Variants in ROBO2 observed in about 807,000 individuals in gnomAD.
ROBO2 encodes the protein roundabout homolog 2.
Under a neutral mutation model 160.8 loss-of-function variants are expected in ROBO2, and 53 were observed. The ratio of observed to expected loss-of-function variants is 0.33; its 90% CI spans 0.26 to 0.41. The LOEUF (loss-of-function observed/expected upper bound fraction) is 0.41, where lower values mean the gene tolerates loss of function less well. ROBO2 is among the 10% of genes least tolerant of loss of function. The pLI, the probability that ROBO2 is intolerant of heterozygous loss-of-function variation, is 1.00. For missense variants in ROBO2, 1,577 were observed against 1,722.4 expected, an observed-to-expected ratio of 0.92 and a Z score of 1.49; for synonymous variants, 664 against 611.7, an observed-to-expected ratio of 1.09 and a Z score of -1.26.
intron 2 of ROBO2, among the ~76,000 whole-genome samples, chr3:76,312,605 G>C (rs573410470): frequency 6.6e-6 from 1 of 152,214 alleles, no homozygotes; most frequent in South Asian, 2.1e-4. Context: ...ATATTTCCTA[G>C]TGTTATCAAT....
intron 2 of ROBO2, among the ~76,000 whole-genome samples, chr3:77,384,536 G>C (rs932242534): frequency 1.3e-5 from 2 of 152,126 alleles, no homozygotes; most frequent in Non-Finnish European, 2.9e-5. Context: ...TTGAATGACA[G>C]CCTTCTAGTC....
chr3:77,246,881 G>A (rs2089789704), intron 2 of ROBO2, among the ~76,000 whole-genome samples: 1 of 152,020 alleles, frequency 6.6e-6, no homozygotes, highest in Admixed American at 6.5e-5. Flanking sequence ...TAAATTTCCA[G>A]GCAAGGAAAC....
chr3:76,230,962 A>G (rs1347177882), intron 2 of ROBO2, among the ~76,000 whole-genome samples: 1 of 152,164 alleles, frequency 6.6e-6, no homozygotes, highest in Non-Finnish European at 1.5e-5. Flanking sequence ...TACAGGCCGG[A>G]GAACACCAAA....
chr3:76,407,344 G>T (rs943433209), intron 2 of ROBO2, among the ~76,000 whole-genome samples: 13 of 151,840 alleles, frequency 8.6e-5, no homozygotes, highest in African/African-American at 3.1e-4. Flanking sequence ...TTGTTTAGGT[G>T]TTTGTTTTTA....
At chr3:77,491,371 A>T (rs909699721) in intron 4 of ROBO2, among the ~76,000 whole-genome samples, 2 of 152,206 alleles carry the variant, frequency 1.3e-5, no homozygotes, top group African/African-American at 4.8e-5. Flanking sequence ...AAACCTCTTT[A>T]ACATTGGGTT....
At chr3:76,264,458 C>T (rs1430249422) in intron 2 of ROBO2, among the ~76,000 whole-genome samples, 2 of 151,784 alleles carry the variant, frequency 1.3e-5, no homozygotes, top group East Asian at 3.9e-4. Context: ...GAAAACATAA[C>T]ATGAATCCAT....
At chr3:77,561,850 T>A (rs2093331517) in intron 9 of ROBO2, among the ~76,000 whole-genome samples, 1 of 152,100 alleles carries the variant, frequency 6.6e-6, no homozygotes, top group African/African-American at 2.4e-5. Context: ...ACACTTGTAA[T>A]CCCAGCACTT....
chr3:77,098,472 AG>A, intron 2 of ROBO2, 132 bp downstream of exon 2: 1 of 945,016 alleles, frequency 1.1e-6, no homozygotes, highest in Admixed American at 2.0e-5. Context: ...GGTCTTCTTC[AG>A]AGAAGTCTGG....
At chr3:77,051,007 G>A (rs1182676281) in intron 1 of ROBO2, among the ~76,000 whole-genome samples, 1 of 130,664 alleles carries the variant, frequency 7.7e-6, no homozygotes, top group African/African-American at 2.8e-5. Context: ...GACAGAGGGA[G>A]ACCCTGTCTC....
chr3:76,739,643 A>G (rs930306760), intron 2 of ROBO2, among the ~76,000 whole-genome samples: 4 of 152,072 alleles, frequency 2.6e-5, no homozygotes, highest in African/African-American at 7.2e-5. Flanking sequence ...AAAAAAGTGT[A>G]GTTTGGTTGA....
intron 2 of ROBO2, among the ~76,000 whole-genome samples, chr3:77,218,091 G>A (rs900696335): frequency 2.6e-5 from 4 of 152,122 alleles, no homozygotes; most frequent in Non-Finnish European, 5.9e-5. Context: ...ATGAGTCATA[G>A]TTTAGAGCAT....
chr3:76,419,353 C>A (rs142543511), intron 2 of ROBO2, among the ~76,000 whole-genome samples: 1 of 151,970 alleles, frequency 6.6e-6, no homozygotes, highest in Non-Finnish European at 1.5e-5. Flanking sequence ...TCAGCATAGG[C>A]GTAAGCTGTG....
At chr3:76,461,273 T>C (rs2078071671) in intron 2 of ROBO2, among the ~76,000 whole-genome samples, 2 of 152,154 alleles carry the variant, frequency 1.3e-5, no homozygotes, top group African/African-American at 4.8e-5. Flanking sequence ...AAGATCTCAC[T>C]ATCATGAAGA....
intron 2 of ROBO2, among the ~76,000 whole-genome samples, chr3:76,192,850 T>G (rs562876676): frequency 2.8e-4 from 42 of 152,266 alleles, no homozygotes; most frequent in African/African-American, 9.9e-4. Context: ...GACAGCCAAG[T>G]GTTCACAAGA....
At chr3:76,453,266 A>G (rs917773407) in intron 2 of ROBO2, among the ~76,000 whole-genome samples, 1 of 152,166 alleles carries the variant, frequency 6.6e-6, no homozygotes, top group Non-Finnish European at 1.5e-5. Context: ...TATGTCCTGA[A>G]TGGTAATGCC....
At chr3:76,714,604 CAGTGTTAGAT>C (rs1481412892) in intron 2 of ROBO2, among the ~76,000 whole-genome samples, 1 of 152,134 alleles carries the variant, frequency 6.6e-6, no homozygotes, top group Non-Finnish European at 1.5e-5. Flanking sequence ...CAGAACATGA[CAGTGTTAGAT>C]AGTGACTAGG....
intron 2 of ROBO2, among the ~76,000 whole-genome samples, chr3:76,564,718 C>T (rs2108522436): frequency 6.6e-6 from 1 of 152,240 alleles, no homozygotes; most frequent in Non-Finnish European, 1.5e-5. Context: ...TGGGGACAGG[C>T]CAGATTTCGA....
chr3:77,111,123 C>G (rs951761025), intron 2 of ROBO2, among the ~76,000 whole-genome samples: 32 of 152,118 alleles, frequency 2.1e-4, no homozygotes, highest in South Asian at 6.2e-4. Context: ...AACTTTAATT[C>G]TTTTAAAGAT....
intron 2 of ROBO2, among the ~76,000 whole-genome samples, chr3:76,335,862 C>T (rs924729082): frequency 2.0e-5 from 3 of 152,210 alleles, no homozygotes; most frequent in East Asian, 3.9e-4. Context: ...AGGTGTGAGC[C>T]ACCGCGCCCG....
Sources: gnomAD v4.1 joint callset for allele counts (sites outside exome capture counted in the v4.1 genomes callset) on GRCh38, gnomAD v4.1.1 for gene constraint, MANE v1.5 for transcripts, NCBI Gene and HGNC (gene_info 2026-07-23, HGNC 2026-07-21) for gene names.